Variants in IGSF5 observed in about 807,000 individuals in gnomAD.
The protein encoded by IGSF5 is immunoglobulin superfamily 5 like.
A neutral mutation model predicts 39.4 loss-of-function variants in IGSF5; 41 were observed. That is an observed-to-expected ratio of 1.04 (90% CI 0.81 to 1.35). The LOEUF (loss-of-function observed/expected upper bound fraction) is 1.35. IGSF5 is among the 40% of genes most tolerant of loss of function. The probability of loss-of-function intolerance (pLI) is 0.00; values close to 1 mark genes in which losing one functional copy is unlikely to be tolerated. For synonymous variants in IGSF5, 183 were observed against 175.3 expected (o/e 1.04, Z -0.34); for missense variants, 487 against 494.6 (o/e 0.98, Z 0.15).
intron 2 of IGSF5, among the ~76,000 whole-genome samples, chr21:39,747,708 A>C (rs388332): frequency 0.72 from 109,345 of 152,092 alleles, 41,605 homozygotes; most frequent in Non-Finnish European, 0.84. Context: ...ATTTTAAATT[A>C]ACAGGAATAG....
At chr21:39,781,231 T>C (rs2080168836) in intron 5 of IGSF5, among the ~76,000 whole-genome samples, 1 of 152,196 alleles carries the variant, frequency 6.6e-6, no homozygotes, top group Non-Finnish European at 1.5e-5. Context: ...CAGTACACTA[T>C]AGATATTCTT....
intron 5 of IGSF5, among the ~76,000 whole-genome samples, chr21:39,787,956 A>G (rs1160714031): frequency 1.3e-5 from 2 of 152,174 alleles, no homozygotes; most frequent in Non-Finnish European, 2.9e-5. Context: ...CCTAGGAATT[A>G]TTTATTTTTC....
intron 4 of IGSF5, among the ~76,000 whole-genome samples, chr21:39,772,607 C>G (rs1007649246): frequency 6.6e-6 from 1 of 152,160 alleles, no homozygotes; most frequent in Admixed American, 6.5e-5. Context: ...CTGCCTTCAT[C>G]TTTACTTGGT....
chr21:39,781,564 C>G (rs997524694), intron 5 of IGSF5, among the ~76,000 whole-genome samples: 9 of 152,274 alleles, frequency 5.9e-5, no homozygotes, highest in African/African-American at 1.9e-4. Flanking sequence ...TTCCCTCCAG[C>G]AAGGTTGTAC....
At chr21:39,772,829 C>T (rs1404121060) in intron 4 of IGSF5, among the ~76,000 whole-genome samples, 5 of 152,000 alleles carry the variant, frequency 3.3e-5, no homozygotes, top group Admixed American at 1.3e-4. Flanking sequence ...TTTTCATTGG[C>T]GTAAGTTTGA....
chr21:39,721,256 C>G, the IGSF5 span, among the ~76,000 whole-genome samples: 2 of 152,072 alleles, frequency 1.3e-5, no homozygotes, highest in Non-Finnish European at 2.9e-5. Context: ...TTATAGCTTC[C>G]GTTTAGTCCC....
At chr21:39,792,470 T>A (rs747580357) in intron 7 of IGSF5, among the ~76,000 whole-genome samples, 11 of 152,174 alleles carry the variant, frequency 7.2e-5, no homozygotes, top group Admixed American at 1.3e-4. Flanking sequence ...AAGGCACATG[T>A]ATACATATGT....
chr21:39,746,201 G>A lies in IGSF5; in HGVS notation c.18-15G>A, dbSNP rs1242550372. 4.8e-5 allele frequency: 34 copies of A among 701,708 alleles called. No individual in the cohort carries two copies. The East Asian group carries it at 7.2e-4, about 15-fold the overall frequency. The allele number at this position is 701,708 out of a possible 1,614,324, so 43.5% of individuals were successfully genotyped here. ...AGCCTGATTGGAAGTGGCAATGGGC[G>A]CCTCACTGGATCAGGAGCACAGCAG... On this transcript the variant is annotated splice_polypyrimidine_tract_variant and intron_variant, in intron 1 of 8. Transcript: ENST00000380588.
intron 2 of IGSF5, among the ~76,000 whole-genome samples, chr21:39,750,284 C>G (rs1218664010): frequency 6.6e-6 from 1 of 152,112 alleles, no homozygotes; most frequent in East Asian, 1.9e-4. Context: ...CCATTGGTGC[C>G]TATTACATGC....
At chr21:39,771,584 T>G (rs2146283149) in intron 4 of IGSF5, among the ~76,000 whole-genome samples, 1 of 152,342 alleles carries the variant, frequency 6.6e-6, no homozygotes, top group East Asian at 1.9e-4. Context: ...GAAGCAGGTC[T>G]TCATACTGGA....
intron 6 of IGSF5, 95 bp downstream of exon 6, chr21:39,788,283 T>A: frequency 1.1e-6 from 1 of 925,434 alleles, no homozygotes; most frequent in Non-Finnish European, 1.7e-6. Flanking sequence ...ACTGCGGGAT[T>A]TTTGGATTTA....
chr21:39,726,085 G>A, the IGSF5 span: 13 of 152,156 alleles, frequency 8.5e-5, no homozygotes, highest in Non-Finnish European at 1.5e-4. Context: ...TTTCCTCCAC[G>A]GTATGTTGTC....
chr21:39,753,431 C>T (rs1019161984), intron 2 of IGSF5, among the ~76,000 whole-genome samples: 1 of 152,094 alleles, frequency 6.6e-6, no homozygotes. Context: ...TAATGTGAAG[C>T]CTCCAGATTT....
At chr21:39,791,873 C>T in intron 6 of IGSF5, 135 bp from the exon 7 acceptor site, 1 of 626,626 alleles carries the variant, frequency 1.6e-6, no homozygotes, top group East Asian at 2.7e-5. Context: ...AAGCTATGGA[C>T]TTCCTGTGTT....
the IGSF5 span, among the ~76,000 whole-genome samples, chr21:39,715,714 G>C: frequency 6.6e-6 from 1 of 152,152 alleles, no homozygotes; most frequent in Non-Finnish European, 1.5e-5. Context: ...TTTTAGCTTG[G>C]ATTATGGAAG....
intron 6 of IGSF5, among the ~76,000 whole-genome samples, chr21:39,789,231 T>G (rs1432919993): frequency 6.6e-6 from 1 of 152,224 alleles, no homozygotes. Context: ...CTTAGGTGAT[T>G]TGAAAGCACA....
At chr21:39,732,843 T>C in the IGSF5 span, among the ~76,000 whole-genome samples, 2 of 151,928 alleles carry the variant, frequency 1.3e-5, no homozygotes, top group Non-Finnish European at 2.9e-5. Flanking sequence ...CTGGGTGACA[T>C]GGTGAAACCC....
intron 4 of IGSF5, among the ~76,000 whole-genome samples, chr21:39,776,266 T>C (rs2080140255): frequency 6.6e-6 from 1 of 152,018 alleles, no homozygotes; most frequent in African/African-American, 2.4e-5. Context: ...AAGAAAGGTC[T>C]ATCTTTGTAG....
chr21:39,770,141 T>A (rs1442906540), intron 3 of IGSF5, among the ~76,000 whole-genome samples: 1 of 152,212 alleles, frequency 6.6e-6, no homozygotes, highest in Non-Finnish European at 1.5e-5. Context: ...CATATATGTA[T>A]ACACATTTCA....
Sources: allele counts gnomAD v4.1 joint callset (sites outside exome capture counted in the v4.1 genomes callset), GRCh38; gene constraint gnomAD v4.1.1; transcripts MANE v1.5; gene names NCBI Gene and HGNC (gene_info 2026-07-23, HGNC 2026-07-21).